The following MLLT10 variants were observed in gnomAD, a reference collection of about 807,000 sequenced individuals.
MLLT10 encodes protein AF-10.
MLLT10 carries 30 observed loss-of-function variants against 129.1 expected under a neutral mutation model. The observed-to-expected ratio is 0.23, with a 90% confidence interval of 0.17 to 0.32. The LOEUF is 0.32. Among genes scored for constraint, MLLT10 ranks in the 10% least tolerant of loss-of-function variants. The probability of loss-of-function intolerance (pLI) is 1.00; values close to 1 mark genes in which losing one functional copy is unlikely to be tolerated. For synonymous variants in MLLT10, 490 were observed against 446.4 expected, an observed-to-expected ratio of 1.10 and a Z score of -1.23; for missense variants, 1,119 against 1,268.3, an observed-to-expected ratio of 0.88 and a Z score of 1.79.
At chr10:21,680,638 A>T (rs1202941973) in intron 11 of MLLT10, among the ~76,000 whole-genome samples, 1 of 152,178 alleles carries the variant, frequency 6.6e-6, no homozygotes, top group Admixed American at 6.5e-5. Flanking sequence ...TTCCATGTGA[A>T]AATAGTATTC....
chr10:21,590,800 T>C (rs2042421566), intron 4 of MLLT10, among the ~76,000 whole-genome samples: 1 of 152,182 alleles, frequency 6.6e-6, no homozygotes, highest in Non-Finnish European at 1.5e-5. Context: ...TATTGACCTT[T>C]TTAAAGAAAG....
chr10:21,642,697 T>G (rs1052810796), intron 8 of MLLT10, among the ~76,000 whole-genome samples: 2 of 151,640 alleles, frequency 1.3e-5, no homozygotes, highest in Non-Finnish European at 2.9e-5. Context: ...AACTTCTATT[T>G]TATTATCCTG....
intron 3 of MLLT10, among the ~76,000 whole-genome samples, chr10:21,555,981 CT>C (rs997585625): frequency 7.4e-4 from 105 of 142,654 alleles, no homozygotes; most frequent in South Asian, 5.3e-3. Context: ...GTGCACGGCC[CT>C]TTTTTTTTTT....
Position 21,534,703 on chromosome 10 carries a change from A to C in MLLT10, c.59A>C (p.Glu20Ala). Reference sequence around the variant, plus strand: ...GACGAGGTCTCCCATAGTATGAAGGAGATGATTGGAGGCTGTTGCGTTTGC... The same window carrying C: ...GACGAGGTCTCCCATAGTATGAAGGCGATGATTGGAGGCTGTTGCGTTTGC... ...LEDEVSHSMK[E>A]MIGGCCVCSD... Residue 20 changes from glutamate to alanine, a missense_variant, in exon 2 of 23, where the codon GAG becomes GCG. Physicochemically the swap from Glu to Ala is moderately radical, Grantham distance 107. This residue lies in a region of MLLT10 where 35 missense variants were observed against 26.0 expected (regional missense o/e 1.35). Transcript: ENST00000307729. 6.2e-7 allele frequency: 1 copy of C among 1,613,212 alleles called. No individual in the cohort carries two copies. Among genetic ancestry groups the C allele is most frequent in the Non-Finnish European group, 8.5e-7 (1 of 1,179,492 alleles).
chr10:21,643,057 G>T (rs1318799849), intron 8 of MLLT10, among the ~76,000 whole-genome samples: 1 of 151,928 alleles, frequency 6.6e-6, no homozygotes, highest in Admixed American at 6.6e-5. Flanking sequence ...TTTTGAGACA[G>T]AGTCTCACTC....
intron 4 of MLLT10, among the ~76,000 whole-genome samples, chr10:21,586,823 G>T (rs2042030291): frequency 6.6e-6 from 1 of 151,880 alleles, no homozygotes; most frequent in African/African-American, 2.4e-5. Flanking sequence ...GGAGGCGGAG[G>T]TTGCAGTGAG....
intron 9 of MLLT10, among the ~76,000 whole-genome samples, chr10:21,653,545 T>C (rs1431754170): frequency 6.6e-6 from 1 of 152,212 alleles, no homozygotes; most frequent in East Asian, 1.9e-4. Flanking sequence ...TTTAAGCTCA[T>C]GTGATTAGAT....
intron 3 of MLLT10, among the ~76,000 whole-genome samples, chr10:21,549,081 C>T (rs1324630113): frequency 3.3e-5 from 5 of 150,526 alleles, no homozygotes; most frequent in Non-Finnish European, 7.4e-5. Context: ...TGTGTTTGGC[C>T]GACCAGATTA....
At chr10:21,689,018 G>A (rs902336651) in intron 13 of MLLT10, among the ~76,000 whole-genome samples, 1 of 152,132 alleles carries the variant, frequency 6.6e-6, no homozygotes. Flanking sequence ...ACCACTTGAA[G>A]TATGCATCCA....
intron 5 of MLLT10, among the ~76,000 whole-genome samples, chr10:21,603,207 C>T (rs376825912): frequency 1.3e-5 from 2 of 151,046 alleles, no homozygotes; most frequent in East Asian, 1.9e-4. Context: ...TGTCCACCAC[C>T]GTGCTCGGCT....
chr10:21,560,019 T>C (rs1349328303), intron 3 of MLLT10, among the ~76,000 whole-genome samples: 1 of 152,168 alleles, frequency 6.6e-6, no homozygotes. Flanking sequence ...GCTTTTTTTT[T>C]CCTGAGACGG....
intron 21 of MLLT10, among the ~76,000 whole-genome samples, chr10:21,739,081 A>T (rs2058622339): frequency 6.6e-6 from 1 of 152,098 alleles, no homozygotes; most frequent in Non-Finnish European, 1.5e-5. Flanking sequence ...ACCTCAGCTG[A>T]TGGCAGCTCC....
chr10:21,616,357 T>C (rs577145053), intron 7 of MLLT10, among the ~76,000 whole-genome samples: 15 of 152,242 alleles, frequency 9.9e-5, no homozygotes, highest in African/African-American at 3.6e-4. Flanking sequence ...TTTAATAATT[T>C]AATAAGATTG....
intron 21 of MLLT10, among the ~76,000 whole-genome samples, chr10:21,736,946 T>C (rs932795324): frequency 6.6e-6 from 1 of 152,070 alleles, no homozygotes; most frequent in African/African-American, 2.4e-5. Context: ...AAAGAAAGGC[T>C]ATTGAGAAAC....
chr10:21,553,669 T>C (rs1409092653), intron 3 of MLLT10, among the ~76,000 whole-genome samples: 5 of 150,946 alleles, frequency 3.3e-5, no homozygotes, highest in East Asian at 3.9e-4. Context: ...TTTTTTTTTT[T>C]CAGACAGGGC....
intron 13 of MLLT10, among the ~76,000 whole-genome samples, chr10:21,698,034 C>T (rs1359978002): frequency 2.6e-5 from 4 of 152,162 alleles, no homozygotes; most frequent in East Asian, 1.9e-4. Flanking sequence ...TATCCATCAC[C>T]TCGAATGTTT....
chr10:21,735,125 T>C lies in MLLT10; in HGVS notation c.2859-14T>C, dbSNP rs763064618. 7.5e-6 allele frequency: 12 copies of C among 1,599,674 alleles called. No homozygotes were observed. The highest frequency in any genetic ancestry group is 1.0e-5 in the Non-Finnish European group (12 of 1,169,586). ...GGTGTGTAGTAAAAAGTAAGAATTG[T>C]AATCATTTTTCAGTGCCTCAGGACT... On this transcript the variant is annotated splice_polypyrimidine_tract_variant and intron_variant, in intron 20 of 22. Transcript: ENST00000307729.
At chr10:21,713,745 A>G (rs1264308011) in intron 13 of MLLT10, 27 bp from the exon 14 acceptor site, 2 of 1,593,704 alleles carry the variant, frequency 1.3e-6, no homozygotes, top group East Asian at 2.3e-5. Context: ...GCTAAGTTAT[A>G]TTTAAATAAC....
At chr10:21,725,302 A>G (rs2057403882) in intron 14 of MLLT10, among the ~76,000 whole-genome samples, 1 of 152,198 alleles carries the variant, frequency 6.6e-6, no homozygotes, top group Non-Finnish European at 1.5e-5. Context: ...ATGGCTTAAT[A>G]AGATTAATTA....
Sources: gnomAD v4.1 joint callset for allele counts (sites outside exome capture counted in the v4.1 genomes callset) on GRCh38, gnomAD v4.1.1 for gene constraint, gnomAD v4.1.1 regional missense constraint, MANE v1.5 for transcripts, NCBI Gene and HGNC (gene_info 2026-07-23, HGNC 2026-07-21) for gene names.